Variants in SLC4A10 observed in about 807,000 individuals in gnomAD.
SLC4A10 encodes the protein sodium-driven chloride bicarbonate exchanger.
In SLC4A10, 42 loss-of-function variants were observed where a neutral mutation model predicts 137.7. That is an observed-to-expected ratio of 0.30 (90% CI 0.24 to 0.39). SLC4A10 has a LOEUF of 0.39. Among genes scored for constraint, SLC4A10 ranks in the 10% least tolerant of loss-of-function variants. The probability of loss-of-function intolerance (pLI) is 1.00; values close to 1 mark genes in which losing one functional copy is unlikely to be tolerated. For synonymous variants in SLC4A10, 474 were observed against 464.1 expected (o/e 1.02, Z -0.27); for missense variants, 925 against 1,355.0 (o/e 0.68, Z 4.98).
chr2:161,694,635 G>A (rs931144730), intron 1 of SLC4A10, among the ~76,000 whole-genome samples: 3 of 151,996 alleles, frequency 2.0e-5, no homozygotes, highest in African/African-American at 7.2e-5. Flanking sequence ...TATGTTTGAG[G>A]CTAATGGACA....
chr2:161,805,668 A>G (rs1037486239), intron 3 of SLC4A10, among the ~76,000 whole-genome samples: 17 of 152,210 alleles, frequency 1.1e-4, no homozygotes, highest in African/African-American at 3.4e-4. Context: ...CTTTTACTCC[A>G]TGTCTCACAT....
chr2:161,943,232 A>G (rs1178910541), intron 16 of SLC4A10, among the ~76,000 whole-genome samples: 1 of 152,074 alleles, frequency 6.6e-6, no homozygotes, highest in Non-Finnish European at 1.5e-5. Context: ...AAGAACTCAG[A>G]ATGCTCTTAC....
intron 5 of SLC4A10, among the ~76,000 whole-genome samples, chr2:161,856,400 A>C (rs1409184602): frequency 8.7e-6 from 1 of 114,838 alleles, no homozygotes; most frequent in African/African-American, 3.2e-5. Context: ...CACACACACC[A>C]CACTGCCCCA....
At chr2:161,887,975 T>A (rs984235524) in intron 10 of SLC4A10, among the ~76,000 whole-genome samples, 2 of 152,220 alleles carry the variant, frequency 1.3e-5, no homozygotes, top group African/African-American at 2.4e-5. Context: ...TTGAATTAAT[T>A]TTTGTATAAG....
At chr2:161,782,792 G>C (rs1266042460) in intron 2 of SLC4A10, among the ~76,000 whole-genome samples, 1 of 147,784 alleles carries the variant, frequency 6.8e-6, no homozygotes, top group Admixed American at 6.8e-5. Flanking sequence ...AACTTGCTGA[G>C]TCAGAGAAAC....
intron 1 of SLC4A10, among the ~76,000 whole-genome samples, chr2:161,626,409 A>G (rs1005174098): frequency 1.3e-5 from 2 of 152,182 alleles, no homozygotes; most frequent in Admixed American, 6.5e-5. Flanking sequence ...AAGAAGGTCT[A>G]CAATACATCT....
intron 2 of SLC4A10, among the ~76,000 whole-genome samples, chr2:161,775,121 A>T (rs898677113): frequency 1.3e-5 from 2 of 151,894 alleles, no homozygotes; most frequent in African/African-American, 2.4e-5. Flanking sequence ...GGCCTAAATT[A>T]TGTGTCAGTG....
intron 1 of SLC4A10, among the ~76,000 whole-genome samples, chr2:161,657,727 T>C (rs996076153): frequency 1.4e-4 from 22 of 152,038 alleles, no homozygotes; most frequent in Admixed American, 2.6e-4. Context: ...ATAAAATCTT[T>C]CTATGAAATT....
intron 3 of SLC4A10, among the ~76,000 whole-genome samples, chr2:161,833,950 G>A (rs988188543): frequency 6.6e-6 from 1 of 152,196 alleles, no homozygotes; most frequent in African/African-American, 2.4e-5. Context: ...TGCAGAAACT[G>A]ATCATCTCCT....
intron 4 of SLC4A10, among the ~76,000 whole-genome samples, chr2:161,854,039 T>A (rs1240164805): frequency 6.6e-6 from 1 of 152,120 alleles, no homozygotes; most frequent in African/African-American, 2.4e-5. Context: ...TATAGAGGAT[T>A]TGAATGATAT....
chr2:161,794,341 C>T (rs547508758), intron 2 of SLC4A10, among the ~76,000 whole-genome samples: 17 of 152,166 alleles, frequency 1.1e-4, no homozygotes, highest in Middle Eastern at 3.4e-3. Context: ...AATACTGTAT[C>T]GTATACTTAA....
At chr2:161,717,544 G>T (rs1234404624) in intron 1 of SLC4A10, among the ~76,000 whole-genome samples, 1 of 152,160 alleles carries the variant, frequency 6.6e-6, no homozygotes, top group Non-Finnish European at 1.5e-5. Flanking sequence ...CATCTAATGA[G>T]ATAATCACGT....
intron 1 of SLC4A10, among the ~76,000 whole-genome samples, chr2:161,690,621 G>A (rs761127544): frequency 9.2e-5 from 14 of 152,102 alleles, no homozygotes; most frequent in Admixed American, 2.6e-4. Context: ...CCATAAAAAG[G>A]AATGAGATCA....
At chr2:161,715,488 CT>C (rs2044754948) in intron 1 of SLC4A10, among the ~76,000 whole-genome samples, 1 of 152,016 alleles carries the variant, frequency 6.6e-6, no homozygotes, top group African/African-American at 2.4e-5. Flanking sequence ...TTTCCTTATG[CT>C]CTCCCTCTTC....
chr2:161,807,890 A>C (rs952148842), intron 3 of SLC4A10, among the ~76,000 whole-genome samples: 10 of 152,130 alleles, frequency 6.6e-5, no homozygotes, highest in Non-Finnish European at 1.5e-4. Context: ...TAATTTAGCT[A>C]GGTATGCAAT....
intron 1 of SLC4A10, among the ~76,000 whole-genome samples, chr2:161,654,544 A>T (rs2037249578): frequency 1.3e-5 from 2 of 152,080 alleles, no homozygotes; most frequent in Admixed American, 6.6e-5. Flanking sequence ...ATCCATTTTG[A>T]GTAAATTTTT....
chr2:161,635,816 A>G (rs1035802391), intron 1 of SLC4A10, among the ~76,000 whole-genome samples: 4 of 152,158 alleles, frequency 2.6e-5, no homozygotes, highest in Admixed American at 2.6e-4. Context: ...GGTCCTCTCC[A>G]GTTAGGGCAC....
At chr2:161,747,401 T>G (rs2048501205) in intron 1 of SLC4A10, among the ~76,000 whole-genome samples, 1 of 152,094 alleles carries the variant, frequency 6.6e-6, no homozygotes, top group South Asian at 2.1e-4. Flanking sequence ...ATAGTTTCTC[T>G]GCATCACACT....
chr2:161,717,344 G>C (rs368316647), intron 1 of SLC4A10, among the ~76,000 whole-genome samples: 2 of 152,186 alleles, frequency 1.3e-5, no homozygotes, highest in Non-Finnish European at 2.9e-5. Context: ...AATAGGAGTG[G>C]TGAGAGAGCA....
Sources: allele counts gnomAD v4.1 joint callset (sites outside exome capture counted in the v4.1 genomes callset), GRCh38; gene constraint gnomAD v4.1.1; transcripts MANE v1.5; gene names NCBI Gene and HGNC (gene_info 2026-07-23, HGNC 2026-07-21).